DENND1A: variants seen among roughly 807,000 people sequenced by gnomAD.
The protein encoded by DENND1A is DENN domain-containing protein 1A.
Under a neutral mutation model 113.7 loss-of-function variants are expected in DENND1A, and 51 were observed. The ratio of observed to expected loss-of-function variants is 0.45; its 90% confidence interval spans 0.36 to 0.57. The LOEUF is 0.57. Among genes scored for constraint, DENND1A ranks in the 20% least tolerant of loss-of-function variants. The pLI is 0.00. For missense variants in DENND1A, 1,258 were observed against 1,395.9 expected (o/e 0.90, Z 1.57); for synonymous variants, 565 against 570.8 (o/e 0.99, Z 0.14).
At chr9:123,516,689 T>C (rs560409194) in intron 13 of DENND1A, among the ~76,000 whole-genome samples, 2 of 151,736 alleles carry the variant, frequency 1.3e-5, no homozygotes, top group Admixed American at 6.6e-5. Context: ...AGATCGAGAC[T>C]ATCCTGGCCA....
intron 19 of DENND1A, chr9:123,413,904 G>A (rs12002538): frequency 0.098 from 96,671 of 985,108 alleles, 4,988 homozygotes; most frequent in African/African-American, 0.16. Flanking sequence ...CCCCTCCACC[G>A]GTGCACAGGC....
intron 2 of DENND1A, among the ~76,000 whole-genome samples, chr9:123,855,812 C>T (rs1279292853): frequency 2.0e-5 from 3 of 152,004 alleles, no homozygotes; most frequent in Non-Finnish European, 2.9e-5. Context: ...CTGAGGCAGG[C>T]GGATCACCTG....
At chr9:123,722,369 A>T (rs2067401812) in intron 5 of DENND1A, among the ~76,000 whole-genome samples, 2 of 152,268 alleles carry the variant, frequency 1.3e-5, no homozygotes, top group Admixed American at 1.3e-4. Context: ...AATAGAAAAG[A>T]AAATCCCATT....
intron 2 of DENND1A, among the ~76,000 whole-genome samples, chr9:123,810,101 T>C (rs1239220834): frequency 1.3e-5 from 2 of 152,196 alleles, no homozygotes; most frequent in Non-Finnish European, 2.9e-5. Context: ...TGTAAAGACC[T>C]CCTTTTTGAG....
At chr9:123,734,961 T>A (rs2068454286) in intron 5 of DENND1A, among the ~76,000 whole-genome samples, 1 of 152,116 alleles carries the variant, frequency 6.6e-6, no homozygotes, top group South Asian at 2.1e-4. Context: ...CTCGCTACAA[T>A]CCTCCAAGGA....
At position 123,452,410 on chromosome 9, in the gene DENND1A, A is replaced by G. The variant is rs960901095; in HGVS notation, c.1228-63T>C. The G allele has an allele frequency of 3.1e-6, 4 of 1,303,550 alleles. No homozygotes were observed. In the Admixed American group the frequency reaches 6.7e-5, roughly 22 times the overall value. 80.7% of individuals were successfully genotyped at this position (1,303,550 alleles called of 1,614,324 possible). On this transcript the variant is annotated intron_variant, in intron 16 of 23. Transcript: ENST00000394215. ...ACAGAGTCATCCAACACCAACAAAG[A>G]CTGCTTCTCTTCAATCGAGTTAAGC... is the stretch of plus-strand genomic sequence containing the variant.
At chr9:123,812,409 A>G (rs1208205133) in intron 2 of DENND1A, among the ~76,000 whole-genome samples, 1 of 151,898 alleles carries the variant, frequency 6.6e-6, no homozygotes, top group Non-Finnish European at 1.5e-5. Flanking sequence ...ATGATCATTT[A>G]GGTTTTAAGG....
intron 5 of DENND1A, among the ~76,000 whole-genome samples, chr9:123,683,750 G>T (rs966978602): frequency 2.0e-5 from 3 of 152,142 alleles, no homozygotes; most frequent in African/African-American, 7.2e-5. Context: ...ATCAAGGACG[G>T]TGACTGTGTA....
At chr9:123,517,377 C>A (rs191310611) in intron 13 of DENND1A, among the ~76,000 whole-genome samples, 2 of 151,914 alleles carry the variant, frequency 1.3e-5, no homozygotes, top group South Asian at 4.2e-4. Context: ...TCCCAGCACT[C>A]GGGAGGCCAA....
rs114461365 is a variant in DENND1A at position 123,614,378 on chromosome 9, T to C, written c.720-4897A>G. ...GCGCTTCTCTGACAGGTAAGTCCTA[T>C]GGCATGAGCTTATTCCCAGCAAGGA... On this transcript the variant is annotated intron_variant, in intron 10 of 23. Transcript: ENST00000394215. 3.2e-3 allele frequency among the ~76,000 whole-genome samples: 480 copies of C among 152,318 alleles called. 2 individuals carry two copies. Among genetic ancestry groups the C allele is most frequent in the African/African-American group, 9.9e-3 (412 of 41,566 alleles).
chr9:123,516,748 G>C (rs888835852), intron 13 of DENND1A, among the ~76,000 whole-genome samples: 1 of 151,818 alleles, frequency 6.6e-6, no homozygotes. Flanking sequence ...TAGCTGGGCA[G>C]TGGTGTGTGC....
At chr9:123,869,783 T>G (rs900048555) in intron 2 of DENND1A, among the ~76,000 whole-genome samples, 7 of 151,966 alleles carry the variant, frequency 4.6e-5, no homozygotes, top group Admixed American at 4.6e-4. Flanking sequence ...GGAGGATCTC[T>G]TGAGCCCAGG....
intron 1 of DENND1A, among the ~76,000 whole-genome samples, chr9:123,913,113 T>TAAAAAA (rs915063969): frequency 1.2e-5 from 1 of 86,710 alleles, no homozygotes; most frequent in Non-Finnish European, 2.3e-5. Flanking sequence ...AAAGACAGTT[T>TAAAAAA]AAAAAAAAAA....
At position 123,402,021 on chromosome 9, in the gene DENND1A, T is replaced by C. The variant is rs547595738; in HGVS notation, c.1631+1381A>G. ...TTTAGTCCAGTTTTAAAGAGGGGAC[T>C]TCAAAGAAATGTGACAAATTTCATC... On this transcript the variant is annotated intron_variant, in intron 21 of 23. Coordinates refer to ENST00000394215, the MANE Select transcript of DENND1A (RefSeq NM_001352964.2). 106 of 1,455,182 alleles carry C rather than the reference T, an allele frequency of 7.3e-5. No individual in the cohort carries two copies. In the South Asian group the frequency reaches 1.2e-3, roughly 17 times the overall value. The allele number at this position is 1,455,182 out of a possible 1,614,324, so 90.1% of individuals were successfully genotyped here.
chr9:123,788,855 T>TTTAGACTACGTCATATTACAGTTAAGGGA (rs1832580647), intron 3 of DENND1A, among the ~76,000 whole-genome samples: 3 of 152,056 alleles, frequency 2.0e-5, no homozygotes, highest in Non-Finnish European at 4.4e-5. Flanking sequence ...AAAAAGACAT[T>TTTAGACTACGTCATATTACAGTTAAGGGA]TTAGACTACG....
intron 13 of DENND1A, among the ~76,000 whole-genome samples, chr9:123,525,923 AT>A (rs2054802032): frequency 6.6e-6 from 1 of 152,032 alleles, no homozygotes; most frequent in South Asian, 2.1e-4. Flanking sequence ...ATACCAGCTA[AT>A]TAAAAAAAAT....
At chr9:123,562,178 G>A (rs970528921) in intron 12 of DENND1A, among the ~76,000 whole-genome samples, 34 of 152,034 alleles carry the variant, frequency 2.2e-4, no homozygotes, top group Non-Finnish European at 2.9e-4. Context: ...AAACTTCCAC[G>A]AGCAGACTGT....
chr9:123,850,733 T>A (rs1376461505), intron 2 of DENND1A, among the ~76,000 whole-genome samples: 1 of 152,130 alleles, frequency 6.6e-6, no homozygotes, highest in Non-Finnish European at 1.5e-5. Flanking sequence ...TCCCATAGGG[T>A]TTTTGTGATG....
chr9:123,391,976 C>G (rs1390620842), intron 21 of DENND1A, among the ~76,000 whole-genome samples: 1 of 152,140 alleles, frequency 6.6e-6, no homozygotes, highest in Non-Finnish European at 1.5e-5. Flanking sequence ...CCCCATCATC[C>G]CCCACGGCTG....
Sources: allele counts gnomAD v4.1 joint callset (sites outside exome capture counted in the v4.1 genomes callset), GRCh38; gene constraint gnomAD v4.1.1; transcripts MANE v1.5; gene names NCBI Gene and HGNC (gene_info 2026-07-23, HGNC 2026-07-21).